The following VPS41 variants were observed in gnomAD, a reference collection of about 807,000 sequenced individuals.
The protein encoded by VPS41 is VPS41 subunit of HOPS complex.
A neutral mutation model predicts 130.9 loss-of-function variants in VPS41; 85 were observed. That is an observed-to-expected ratio of 0.65 (90% CI 0.55 to 0.78). The LOEUF (loss-of-function observed/expected upper bound fraction) is 0.78. VPS41 is among the 30% of genes least tolerant of loss of function. The probability of loss-of-function intolerance (pLI) is 0.00; values close to 1 mark genes in which losing one functional copy is unlikely to be tolerated. For synonymous variants in VPS41, 335 were observed against 332.9 expected, an observed-to-expected ratio of 1.01 and a Z score of -0.07; for missense variants, 874 against 1,018.7, an observed-to-expected ratio of 0.86 and a Z score of 1.93.
intron 25 of VPS41, among the ~76,000 whole-genome samples, chr7:38,730,662 A>G (rs991907000): frequency 3.9e-5 from 6 of 152,242 alleles, no homozygotes; most frequent in Admixed American, 3.9e-4. Flanking sequence ...TAAGAAAGAT[A>G]GCTAAGAAAT....
intron 2 of VPS41, among the ~76,000 whole-genome samples, chr7:38,893,829 CTA>C (rs1786918260): frequency 7.2e-5 from 11 of 152,128 alleles, no homozygotes; most frequent in Admixed American, 2.0e-4. Context: ...ATTAATAATA[CTA>C]ACTAAACAAT....
intron 3 of VPS41, among the ~76,000 whole-genome samples, chr7:38,867,064 G>A (rs1258935330): frequency 6.6e-6 from 1 of 152,116 alleles, no homozygotes; most frequent in Non-Finnish European, 1.5e-5. Context: ...AAACACAAGA[G>A]ATCAAATAAT....
intron 19 of VPS41, among the ~76,000 whole-genome samples, chr7:38,755,862 T>C (rs1190461269): frequency 1.3e-5 from 2 of 152,132 alleles, no homozygotes; most frequent in African/African-American, 4.8e-5. Context: ...AAGCATCTCA[T>C]CCTCTGCCAG....
At chr7:38,755,050 C>T (rs1783763075) in intron 19 of VPS41, 114 bp from the exon 20 acceptor site, 1 of 879,180 alleles carries the variant, frequency 1.1e-6, no homozygotes, top group East Asian at 2.6e-5. Context: ...ATTTTGTATA[C>T]TTAAGGAGGC....
intron 2 of VPS41, among the ~76,000 whole-genome samples, chr7:38,878,127 C>A (rs1466371864): frequency 6.6e-6 from 1 of 152,040 alleles, no homozygotes; most frequent in Non-Finnish European, 1.5e-5. Flanking sequence ...AGTGCAGGAC[C>A]AAAGGACCTC....
At chr7:38,843,483 C>A (rs920525457) in intron 4 of VPS41, among the ~76,000 whole-genome samples, 2 of 151,178 alleles carry the variant, frequency 1.3e-5, no homozygotes, top group African/African-American at 4.9e-5. Context: ...AAGATCGAGA[C>A]CATCTTGGCT....
chr7:38,832,820 T>C (rs748745044), intron 4 of VPS41, among the ~76,000 whole-genome samples: 2 of 152,262 alleles, frequency 1.3e-5, no homozygotes, highest in Admixed American at 6.5e-5. Context: ...ACTCAAAACA[T>C]AGTATTTTCT....
chr7:38,754,029 G>A (rs1221902665), intron 21 of VPS41, among the ~76,000 whole-genome samples: 2 of 152,150 alleles, frequency 1.3e-5, no homozygotes, highest in Non-Finnish European at 2.9e-5. Context: ...AACTTTTAAA[G>A]GACATAGAAA....
intron 4 of VPS41, among the ~76,000 whole-genome samples, chr7:38,854,414 T>C (rs1354618995): frequency 6.6e-6 from 1 of 152,168 alleles, no homozygotes; most frequent in Non-Finnish European, 1.5e-5. Context: ...AGTTTATAGA[T>C]CTGCTCCAAA....
At chr7:38,785,955 C>G (rs962365385) in intron 10 of VPS41, among the ~76,000 whole-genome samples, 1 of 152,064 alleles carries the variant, frequency 6.6e-6, no homozygotes, top group Non-Finnish European at 1.5e-5. Flanking sequence ...TTTCTCTGAA[C>G]CAAAATAAAA....
At chr7:38,842,113 A>G (rs531245397) in intron 4 of VPS41, among the ~76,000 whole-genome samples, 95 of 152,300 alleles carry the variant, frequency 6.2e-4, no homozygotes, top group African/African-American at 2.2e-3. Flanking sequence ...CTCTCAGTCC[A>G]CTTAGCTATC....
At chr7:38,792,308 A>G (rs1435915834) in intron 9 of VPS41, among the ~76,000 whole-genome samples, 1 of 152,130 alleles carries the variant, frequency 6.6e-6, no homozygotes, top group East Asian at 1.9e-4. Context: ...TTGCCCATGA[A>G]CTCTAATCTG....
intron 4 of VPS41, among the ~76,000 whole-genome samples, chr7:38,845,481 A>G (rs1785704329): frequency 6.6e-6 from 1 of 152,226 alleles, no homozygotes; most frequent in Non-Finnish European, 1.5e-5. Flanking sequence ...CAGCAAATCT[A>G]GAGTTGGAGC....
At chr7:38,785,552 T>C (rs918649542) in intron 10 of VPS41, among the ~76,000 whole-genome samples, 3 of 152,204 alleles carry the variant, frequency 2.0e-5, no homozygotes, top group Non-Finnish European at 4.4e-5. Context: ...TTTAGTCTCC[T>C]GAAACAGCAC....
At chr7:38,740,099 G>A (rs564792381) in intron 25 of VPS41, among the ~76,000 whole-genome samples, 6 of 152,252 alleles carry the variant, frequency 3.9e-5, no homozygotes, top group African/African-American at 7.2e-5. Flanking sequence ...GGAGGCTGGC[G>A]AAAAAGAAAG....
intron 10 of VPS41, among the ~76,000 whole-genome samples, 199 bp from the exon 11 acceptor site, chr7:38,776,975 G>A (rs1331244575): frequency 1.3e-5 from 2 of 152,220 alleles, no homozygotes; most frequent in Non-Finnish European, 2.9e-5. Flanking sequence ...ATGTGGGAAA[G>A]TAGACTTGCA....
intron 2 of VPS41, among the ~76,000 whole-genome samples, chr7:38,882,752 T>C (rs1314440507): frequency 6.6e-6 from 1 of 152,204 alleles, no homozygotes; most frequent in African/African-American, 2.4e-5. Context: ...CACATTTTAG[T>C]CAGGAAATCT....
chr7:38,745,750 A>G (rs1468433090), intron 22 of VPS41, 137 bp from the exon 23 acceptor site: 18 of 708,888 alleles, frequency 2.5e-5, no homozygotes, highest in Middle Eastern at 3.8e-4. Flanking sequence ...CAAATAAAGA[A>G]CACATCTCCC....
In VPS41 at chr7:38,815,012, G is replaced by A. The variant is rs141475585; in HGVS notation, c.450+2805C>T. Among the ~76,000 whole-genome samples, 371 of 152,232 alleles carry A rather than the reference G, an allele frequency of 2.4e-3. 1 individual carries two copies. Among genetic ancestry groups the A allele is most frequent in the Non-Finnish European group, 3.9e-3 (263 of 68,006 alleles). ...AACCCTCATGAGCAACCTTCAGCCA[G>A]GGCCTAACAGCTAAGCCACTCTTGA... On this transcript the variant is annotated intron_variant, in intron 7 of 28. Transcript: ENST00000310301.
Sources: allele counts gnomAD v4.1 joint callset (sites outside exome capture counted in the v4.1 genomes callset), GRCh38; gene constraint gnomAD v4.1.1; transcripts MANE v1.5; gene names NCBI Gene and HGNC (gene_info 2026-07-23, HGNC 2026-07-21).